Variants in GPR160 observed in about 807,000 individuals in gnomAD.
GPR160 encodes probable G protein-coupled receptor 160.
GPR160 carries 2 observed loss-of-function variants against 2.6 expected under a neutral mutation model. The observed-to-expected ratio is 0.77, with a 90% CI of 0.32 to 2.44. The LOEUF (loss-of-function observed/expected upper bound fraction) is 2.44, where lower values mean the gene tolerates loss of function less well. GPR160 is among the 30% of genes most tolerant of loss of function. GPR160 has a pLI of 0.11. For missense variants in GPR160, 351 were observed against 383.6 expected (o/e 0.91, Z 0.71); for synonymous variants, 130 against 132.2 (o/e 0.98, Z 0.12).
At position 170,038,286 on chromosome 3, in the gene GPR160, G is replaced by C. The variant is rs1159120909; in HGVS notation, c.-322+71G>C. ...GCGTCCCAGCCTCGGGGCGGCGAAC[G>C]GTCCCCGCGCCGCTCCCAGCCTCCC... On this transcript the variant is annotated intron_variant, in intron 1 of 3. Transcript: ENST00000355897. The surrounding 1 kb of genome is among the most constrained non-coding windows in gnomAD (Gnocchi z 5.3). The C allele has an allele frequency of 2.0e-5, 3 of 152,166 alleles. No homozygotes were observed. The highest frequency in any genetic ancestry group is 4.4e-5 in the Non-Finnish European group (3 of 68,028). The allele number at this position is 152,166 out of a possible 1,614,324, so 9.4% of individuals were successfully genotyped here.
At chr3:170,072,531 T>A (rs1385345136) in intron 2 of GPR160, among the ~76,000 whole-genome samples, 3 of 152,186 alleles carry the variant, frequency 2.0e-5, no homozygotes, top group Admixed American at 2.0e-4. Flanking sequence ...GGCTCATGGT[T>A]CTACAGACTG....
At chr3:170,061,319 T>A (rs997596945) in intron 2 of GPR160, among the ~76,000 whole-genome samples, 2 of 151,366 alleles carry the variant, frequency 1.3e-5, no homozygotes, top group Non-Finnish European at 2.9e-5. Context: ...AACAACAAAT[T>A]ATCCAAAATT....
chr3:170,084,141 T>G lies in GPR160; in HGVS notation c.169T>G (p.Tyr57Asp), dbSNP rs1310679892. ...AAACACCTGTCAAAATTTTATGGAATATTTTTGCATTTCACTAGCATTCGT... is the reference window on the plus strand; with the variant it reads ...AAACACCTGTCAAAATTTTATGGAAGATTTTTGCATTTCACTAGCATTCGT... ...RKNTCQNFME[Y>D]FCISLAFVDL... is the part of the protein sequence containing the mutation. The change falls in exon 4 of 4, where the codon TAT becomes GAT. Residue 57 changes from tyrosine to aspartate, a missense_variant. Tyr to Asp is a radical substitution (Grantham distance 160, BLOSUM62 -3). Coordinates refer to ENST00000355897, the MANE Select transcript of GPR160 (RefSeq NM_014373.3). 1 of 1,591,606 alleles carries G rather than the reference T, an allele frequency of 6.3e-7. No homozygotes were observed. The highest frequency in any genetic ancestry group is 8.6e-7 in the Non-Finnish European group (1 of 1,169,188).
intron 2 of GPR160, among the ~76,000 whole-genome samples, chr3:170,051,004 G>C (rs766613473): frequency 2.0e-4 from 31 of 152,132 alleles, no homozygotes; most frequent in Admixed American, 4.6e-4. Flanking sequence ...GGAGTCATGT[G>C]GTAAGTTTAT....
At chr3:170,044,903 C>T (rs375309709) in intron 2 of GPR160, among the ~76,000 whole-genome samples, 6 of 152,152 alleles carry the variant, frequency 3.9e-5, no homozygotes, top group African/African-American at 1.4e-4. Flanking sequence ...CCCGCATAGT[C>T]CAGCCTTAAG....
intron 2 of GPR160, among the ~76,000 whole-genome samples, chr3:170,051,657 G>A (rs1192265377): frequency 2.0e-5 from 3 of 152,132 alleles, no homozygotes; most frequent in East Asian, 1.9e-4. Context: ...CCTGGGAGGC[G>A]GAGGTTGCAG....
In GPR160 at chr3:170,084,960, G is replaced by A. The variant is rs1363319156; in HGVS notation, c.988G>A (p.Glu330Lys). 5.1e-6 allele frequency: 8 copies of A among 1,567,366 alleles called. No individual in the cohort carries two copies. The highest frequency in any genetic ancestry group is 6.9e-6 in the Non-Finnish European group (8 of 1,155,114). ...PLTIPNLEQI[E>K]KPISIMIC ...TACAATTCCTAATCTTGAGCAAATT[G>A]AAAAGCCTATATCAATAATGATTTG... is the stretch of plus-strand genomic sequence containing the variant. The change falls in exon 4 of 4, where the codon GAA (glutamate) becomes AAA (lysine). Residue 330 changes from glutamate to lysine, a missense_variant. Transcript: ENST00000355897.
chr3:170,053,110 A>G (rs1717030308), intron 2 of GPR160, among the ~76,000 whole-genome samples: 1 of 152,124 alleles, frequency 6.6e-6, no homozygotes, highest in African/African-American at 2.4e-5. Context: ...GTTATTGGCT[A>G]TTCTAACCCT....
chr3:170,048,990 C>T (rs930084545), intron 2 of GPR160, among the ~76,000 whole-genome samples: 2 of 152,172 alleles, frequency 1.3e-5, no homozygotes, highest in African/African-American at 4.8e-5. Context: ...GGTGGGCTGG[C>T]ATTAATTACC....
rs988509556 is a variant in GPR160 at position 170,062,777 on chromosome 3, G to A, written c.-192-16997G>A. 1.9e-5 allele frequency: 15 copies of A among 776,986 alleles called. No homozygotes were observed. The African/African-American group carries it at 2.1e-4, about 11-fold the overall frequency. 48.1% of individuals were successfully genotyped at this position (776,986 alleles called of 1,614,324 possible). On this transcript the variant is annotated intron_variant, in intron 2 of 3. Transcript: ENST00000355897. ...CAAGGAGCTCCAGGAAGGGCAAAGC[G>A]GAGCTGCAATTTGAAGAAAGGGAAA...
chr3:170,044,530 G>T lies in GPR160; in HGVS notation c.-193+5487G>T, dbSNP rs1042863166. On this transcript the variant is annotated intron_variant, in intron 2 of 3. Transcript: ENST00000355897. Reference sequence around the variant, plus strand: ...ACAAGAATGGAGTAGGTGTGGGCAGGCCTCAGTAGGGAAAAGGAATGGCTC... The same window carrying T: ...ACAAGAATGGAGTAGGTGTGGGCAGTCCTCAGTAGGGAAAAGGAATGGCTC... Among the ~76,000 whole-genome samples the T allele has an allele frequency of 3.3e-5, 5 of 152,244 alleles. No homozygotes were observed. In the East Asian group the frequency reaches 7.7e-4, roughly 24 times the overall value.
intron 2 of GPR160, among the ~76,000 whole-genome samples, chr3:170,054,561 G>A (rs969897296): frequency 2.0e-5 from 3 of 152,064 alleles, no homozygotes; most frequent in East Asian, 3.8e-4. Flanking sequence ...TGCTATCTAC[G>A]CATCTTCAGA....
chr3:170,076,538 TTTAA>T (rs1184958128), intron 2 of GPR160, among the ~76,000 whole-genome samples: 5 of 152,122 alleles, frequency 3.3e-5, no homozygotes, highest in African/African-American at 7.2e-5. Context: ...TTTTTATTTT[TTTAA>T]TTATTATTTT....
intron 2 of GPR160, among the ~76,000 whole-genome samples, chr3:170,052,338 C>T (rs1441776243): frequency 1.3e-5 from 2 of 152,228 alleles, no homozygotes; most frequent in Non-Finnish European, 2.9e-5. Context: ...CATTTTACAC[C>T]TCAAACAGCA....
chr3:170,064,138 G>A (rs1341894084), intron 2 of GPR160, among the ~76,000 whole-genome samples: 3 of 152,180 alleles, frequency 2.0e-5, no homozygotes, highest in Non-Finnish European at 4.4e-5. Context: ...AAGAGATTGA[G>A]ATGATACTCT....
intron 2 of GPR160, among the ~76,000 whole-genome samples, chr3:170,066,758 A>G (rs1712367871): frequency 6.6e-6 from 1 of 152,236 alleles, no homozygotes; most frequent in South Asian, 2.1e-4. Context: ...AATTTATAGG[A>G]TAAATCCTTA....
At chr3:170,041,298 A>G in intron 2 of GPR160, among the ~76,000 whole-genome samples, 1 of 120,874 alleles carries the variant, frequency 8.3e-6, no homozygotes, top group African/African-American at 3.3e-5. Flanking sequence ...GGATGTAAAG[A>G]TTTTTTTTTT....
At chr3:170,062,646 A>G (rs1712027395) in intron 2 of GPR160, 12 of 1,430,732 alleles carry the variant, frequency 8.4e-6, no homozygotes, top group Middle Eastern at 4.3e-4. Context: ...GATTCCACCA[A>G]TGCAGCCATC....
At chr3:170,079,573 C>T (rs963099239) in intron 2 of GPR160, among the ~76,000 whole-genome samples, 2 of 152,304 alleles carry the variant, frequency 1.3e-5, no homozygotes, top group East Asian at 3.9e-4. Flanking sequence ...ATCTCTCCAT[C>T]TTTGGTGTGC....
Sources: allele counts gnomAD v4.1 joint callset (sites outside exome capture counted in the v4.1 genomes callset), GRCh38; gene constraint gnomAD v4.1.1; non-coding constraint Gnocchi (gnomAD v3.1); transcripts MANE v1.5; gene names NCBI Gene and HGNC (gene_info 2026-07-23, HGNC 2026-07-21).